TRERF1: variants seen among roughly 807,000 people sequenced by gnomAD.
TRERF1 encodes the protein transcriptional regulating factor 1.
Under a neutral mutation model 122.9 loss-of-function variants are expected in TRERF1, and 27 were observed. That is an observed-to-expected ratio of 0.22 (90% CI 0.16 to 0.30). TRERF1 has a LOEUF of 0.30. Ranked by LOEUF, TRERF1 falls within the 10% of genes least tolerant of loss-of-function variation. The pLI, the probability that TRERF1 is intolerant of heterozygous loss-of-function variation, is 1.00. For missense variants in TRERF1, 1,248 were observed against 1,560.3 expected (o/e 0.80, Z 3.37); for synonymous variants, 636 against 641.7 (o/e 0.99, Z 0.13).
At chr6:42,343,916 C>T (rs949492763) in intron 3 of TRERF1, among the ~76,000 whole-genome samples, 14 of 152,204 alleles carry the variant, frequency 9.2e-5, no homozygotes, top group African/African-American at 2.9e-4. Context: ...TAACTGACCG[C>T]GTGGGGAGGC....
At chr6:42,367,747 C>T (rs1330399253) in intron 2 of TRERF1, among the ~76,000 whole-genome samples, 1 of 152,202 alleles carries the variant, frequency 6.6e-6, no homozygotes, top group Non-Finnish European at 1.5e-5. Flanking sequence ...TCTAGGACAT[C>T]AGGTACTCCC....
intron 2 of TRERF1, among the ~76,000 whole-genome samples, chr6:42,381,240 C>T (rs919195155): frequency 6.6e-6 from 1 of 151,726 alleles, no homozygotes; most frequent in East Asian, 2.0e-4. Flanking sequence ...ACAAGCTCCC[C>T]GGAGACAGGG....
intron 2 of TRERF1, among the ~76,000 whole-genome samples, chr6:42,372,936 C>A (rs1012623315): frequency 2.0e-5 from 3 of 152,144 alleles, no homozygotes; most frequent in African/African-American, 7.2e-5. Flanking sequence ...TTGGTCTGAG[C>A]TCAACTCTAC....
intron 3 of TRERF1, among the ~76,000 whole-genome samples, chr6:42,343,840 G>A (rs1465124991): frequency 6.6e-6 from 1 of 152,256 alleles, no homozygotes; most frequent in African/African-American, 2.4e-5. Context: ...GAGCCTGTAA[G>A]CAGGATCTTT....
chr6:42,245,315 G>T (rs9462793), intron 14 of TRERF1, among the ~76,000 whole-genome samples: 4,648 of 152,302 alleles, frequency 0.031, 248 homozygotes, highest in African/African-American at 0.11. Flanking sequence ...AGATGGAGGC[G>T]GAGGCGAGGC....
In TRERF1 at chr6:42,429,965, G is replaced by A. The variant is rs767142973; in HGVS notation, c.-454+21212C>T. ...CTGAGCCAAGACTTGAAAGAGGGCC[G>A]GGAGGGAGCAATGCAGATGAGTATC... On this transcript the variant is annotated intron_variant, in intron 2 of 17. Coordinates refer to ENST00000372922, the Ensembl canonical transcript of TRERF1. 3.9e-5 allele frequency among the ~76,000 whole-genome samples: 6 copies of A among 152,018 alleles called. No homozygotes were observed. The South Asian group carries it at 6.2e-4, about 16-fold the overall frequency.
At chr6:42,352,851 T>G (rs1279876904) in intron 3 of TRERF1, among the ~76,000 whole-genome samples, 1 of 152,236 alleles carries the variant, frequency 6.6e-6, no homozygotes, top group African/African-American at 2.4e-5. Context: ...CATCTTTATC[T>G]CTTTATCAGA....
intron 2 of TRERF1, among the ~76,000 whole-genome samples, chr6:42,400,717 A>G (rs1779262146): frequency 6.6e-6 from 1 of 152,206 alleles, no homozygotes; most frequent in Non-Finnish European, 1.5e-5. Flanking sequence ...CGGAGAAGAC[A>G]CCAGCAATAA....
At position 42,451,893 on chromosome 6, in the gene TRERF1, A is replaced by G. The variant is rs1208307184; in HGVS notation, c.-539+128T>C. ...TTCAGGAAACTTACTCCCCATCTGCATGCACCGCCTCTCAGCCATCGCTTA... is the reference window on the plus strand; with the variant it reads ...TTCAGGAAACTTACTCCCCATCTGCGTGCACCGCCTCTCAGCCATCGCTTA... On this transcript the variant is annotated intron_variant, in intron 1 of 17. An upstream start codon of the reference 5' UTR is lost. Transcript: ENST00000372922. 2 of 152,546 alleles carry G rather than the reference A, an allele frequency of 1.3e-5. No individual in the cohort carries two copies. The highest frequency in any genetic ancestry group is 2.4e-5 in the African/African-American group (1 of 41,364). The allele number at this position is 152,546 out of a possible 1,614,324, so 9.4% of individuals were successfully genotyped here. A position where few individuals can be genotyped will look rare whatever the true frequency, so the allele number is the denominator to read the frequency against.
At chr6:42,415,190 T>G (rs1649373841) in intron 2 of TRERF1, among the ~76,000 whole-genome samples, 1 of 152,230 alleles carries the variant, frequency 6.6e-6, no homozygotes, top group African/African-American at 2.4e-5. Flanking sequence ...CCACTTACAC[T>G]TCTTTTCTGT....
intron 10 of TRERF1, among the ~76,000 whole-genome samples, chr6:42,257,658 C>G (rs774775905): frequency 1.3e-5 from 2 of 152,256 alleles, no homozygotes; most frequent in Non-Finnish European, 2.9e-5. Context: ...ACTCACCACT[C>G]TACCACCTGG....
chr6:42,373,058 T>C (rs1774070497), intron 2 of TRERF1, among the ~76,000 whole-genome samples: 1 of 152,250 alleles, frequency 6.6e-6, no homozygotes, highest in African/African-American at 2.4e-5. Flanking sequence ...ATGGTTGTTG[T>C]AAAGATTTAA....
intron 4 of TRERF1, among the ~76,000 whole-genome samples, chr6:42,288,953 C>CTGTGTGTGTGTGTG (rs3074800): frequency 6.2e-5 from 9 of 144,418 alleles, no homozygotes; most frequent in South Asian, 4.5e-4. Context: ...ATCTTGAACT[C>CTGTGTGTGTGTGTG]TGTGTGTGTG....
At chr6:42,280,967 CCTGAGA>C (rs1561901540) in intron 4 of TRERF1, among the ~76,000 whole-genome samples, 1 of 152,192 alleles carries the variant, frequency 6.6e-6, no homozygotes, top group Non-Finnish European at 1.5e-5. Flanking sequence ...TTCCCCCTCA[CCTGAGA>C]TTCCCACTGT....
chr6:42,283,317 G>A (rs1782613669), intron 4 of TRERF1, among the ~76,000 whole-genome samples: 1 of 152,234 alleles, frequency 6.6e-6, no homozygotes, highest in South Asian at 2.1e-4. Context: ...ACTGAGCATC[G>A]GTTTTGTGGT....
intron 15 of TRERF1, among the ~76,000 whole-genome samples, 200 bp downstream of exon 15, chr6:42,243,048 C>T (rs1335291732): frequency 7.2e-5 from 11 of 152,222 alleles, no homozygotes; most frequent in Non-Finnish European, 1.6e-4. Flanking sequence ...CACTGAGCTA[C>T]AGGCCAAACC....
At chr6:42,314,557 A>G (rs529642185) in intron 3 of TRERF1, among the ~76,000 whole-genome samples, 26 of 152,356 alleles carry the variant, frequency 1.7e-4, no homozygotes, top group African/African-American at 6.3e-4. Flanking sequence ...CCCTGCCCTC[A>G]TGGAGATTTC....
chr6:42,311,877 A>G (rs977652339), intron 3 of TRERF1, among the ~76,000 whole-genome samples: 8 of 151,886 alleles, frequency 5.3e-5, no homozygotes, highest in African/African-American at 1.9e-4. Context: ...ACAAGAGTGG[A>G]GAAAGCTGTT....
intron 2 of TRERF1, among the ~76,000 whole-genome samples, chr6:42,432,751 G>A (rs183928265): frequency 1.1e-3 from 170 of 151,680 alleles, no homozygotes; most frequent in Non-Finnish European, 2.1e-3. Flanking sequence ...GCTGAAGCAG[G>A]AGAATCGCTT....
Sources: allele counts gnomAD v4.1 joint callset (sites outside exome capture counted in the v4.1 genomes callset), GRCh38; gene constraint gnomAD v4.1.1; transcripts MANE v1.5; gene names NCBI Gene and HGNC (gene_info 2026-07-23, HGNC 2026-07-21).